The following ITGA9 variants were observed in gnomAD, a reference collection of about 807,000 sequenced individuals.
The protein encoded by ITGA9 is integrin subunit alpha 9.
A neutral mutation model predicts 127.8 loss-of-function variants in ITGA9; 56 were observed. That is an observed-to-expected ratio of 0.44 (90% CI 0.35 to 0.55). The LOEUF (loss-of-function observed/expected upper bound fraction) is 0.55, where lower values mean the gene tolerates loss of function less well. ITGA9 is among the 20% of genes least tolerant of loss of function. The pLI, the probability that ITGA9 is intolerant of heterozygous loss-of-function variation, is 0.00. For synonymous variants in ITGA9, 508 were observed against 514.5 expected (o/e 0.99, Z 0.17); for missense variants, 1,196 against 1,347.1 (o/e 0.89, Z 1.76).
chr3:37,638,038 A>G lies in ITGA9; in HGVS notation c.1839+8702A>G, dbSNP rs148601732. 3.3e-5 allele frequency among the ~76,000 whole-genome samples: 5 copies of G among 152,284 alleles called. No homozygotes were observed. In the East Asian group the frequency reaches 9.6e-4, roughly 29 times the overall value. Reference sequence around the variant, plus strand: ...GCAGCTAAAGTATGAGAACTGATACAGTAGAGGAGTTAAACTAATAATTTG... The same window carrying G: ...GCAGCTAAAGTATGAGAACTGATACGGTAGAGGAGTTAAACTAATAATTTG... On this transcript the variant is annotated intron_variant, in intron 16 of 27. Coordinates refer to ENST00000264741, the MANE Select transcript of ITGA9 (RefSeq NM_002207.3).
intron 17 of ITGA9, among the ~76,000 whole-genome samples, chr3:37,660,487 T>G (rs1700522911): frequency 6.6e-6 from 1 of 152,162 alleles, no homozygotes; most frequent in Admixed American, 6.5e-5. Context: ...TTTTCTTATA[T>G]TAAGATGTAA....
intron 14 of ITGA9, among the ~76,000 whole-genome samples, chr3:37,539,322 A>C (rs750974350): frequency 2.0e-5 from 3 of 152,250 alleles, no homozygotes; most frequent in Non-Finnish European, 2.9e-5. Flanking sequence ...AGGTACCAGT[A>C]AGGAAATGGG....
chr3:37,680,274 AT>A (rs1700722455), intron 17 of ITGA9, among the ~76,000 whole-genome samples: 1 of 152,110 alleles, frequency 6.6e-6, no homozygotes, highest in Admixed American at 6.5e-5. Flanking sequence ...TTTTCATTTC[AT>A]TTCTAAAAAT....
At chr3:37,804,497 C>T (rs1697270638) in intron 27 of ITGA9, among the ~76,000 whole-genome samples, 3 of 152,160 alleles carry the variant, frequency 2.0e-5, no homozygotes, top group Non-Finnish European at 4.4e-5. Flanking sequence ...AAGGGGTGTC[C>T]TCATCCCCAT....
intron 14 of ITGA9, among the ~76,000 whole-genome samples, chr3:37,535,914 G>T (rs548607745): frequency 7.9e-5 from 12 of 152,326 alleles, no homozygotes; most frequent in Non-Finnish European, 1.5e-4. Flanking sequence ...GCCAGAAAAT[G>T]TGCTGGCAGT....
chr3:37,737,094 T>C, intron 20 of ITGA9, 111 bp downstream of exon 20: 1 of 794,020 alleles, frequency 1.3e-6, no homozygotes, highest in Admixed American at 1.9e-5. Flanking sequence ...GAGGAAGAAA[T>C]GGTTACTCAG....
At chr3:37,472,766 CTGTT>C (rs1698446886) in intron 2 of ITGA9, among the ~76,000 whole-genome samples, 1 of 152,268 alleles carries the variant, frequency 6.6e-6, no homozygotes, top group Admixed American at 6.5e-5. Context: ...GGTTTGTGAA[CTGTT>C]TGTTACTGGT....
chr3:37,575,855 G>A (rs927643659), intron 15 of ITGA9, among the ~76,000 whole-genome samples: 3 of 152,162 alleles, frequency 2.0e-5, no homozygotes, highest in East Asian at 3.9e-4. Flanking sequence ...GAAACCAGCC[G>A]TTACAACTCC....
intron 15 of ITGA9, among the ~76,000 whole-genome samples, chr3:37,563,505 A>T (rs1409480929): frequency 6.6e-6 from 1 of 152,230 alleles, no homozygotes; most frequent in Non-Finnish European, 1.5e-5. Context: ...CCGTGGGTGG[A>T]TAATCCCACC....
At chr3:37,608,937 T>C (rs1461702210) in intron 15 of ITGA9, among the ~76,000 whole-genome samples, 3 of 152,106 alleles carry the variant, frequency 2.0e-5, no homozygotes, top group African/African-American at 7.2e-5. Flanking sequence ...TGGAAGCTGG[T>C]GTTTTGTGTT....
intron 11 of ITGA9, among the ~76,000 whole-genome samples, chr3:37,522,429 A>G (rs1278688373): frequency 6.6e-6 from 1 of 152,196 alleles, no homozygotes; most frequent in African/African-American, 2.4e-5. Flanking sequence ...GATGAACTTA[A>G]TGATGAATAA....
chr3:37,489,575 C>T (rs564658138), intron 4 of ITGA9, among the ~76,000 whole-genome samples: 31 of 152,284 alleles, frequency 2.0e-4, no homozygotes, highest in African/African-American at 3.6e-4. Context: ...AAAATGTTCT[C>T]GCTTCCTCTT....
chr3:37,704,432 C>A (rs937202614), intron 18 of ITGA9, among the ~76,000 whole-genome samples: 1 of 152,156 alleles, frequency 6.6e-6, no homozygotes, highest in Non-Finnish European at 1.5e-5. Flanking sequence ...AAAGGAAGAG[C>A]ACCTATGAGA....
At chr3:37,621,625 A>T in intron 15 of ITGA9, among the ~76,000 whole-genome samples, 1 of 152,166 alleles carries the variant, frequency 6.6e-6, no homozygotes, top group South Asian at 2.1e-4. Context: ...ATCCAGCTAC[A>T]TATTGTTTTA....
rs574322666 is a variant in ITGA9, at chr3:37,783,022, T to C, written c.2788-1955T>C. On this transcript the variant is annotated intron_variant, in intron 25 of 27. Transcript: ENST00000264741. ...GGCATGGTGGTGGGCACCTGTAGTC[T>C]CAGCTACTCGGGAGGCTGAGGCAGA... 6.6e-5 allele frequency among the ~76,000 whole-genome samples: 10 copies of C among 152,022 alleles called. No homozygotes were observed. The East Asian group carries it at 1.6e-3, about 24-fold the overall frequency.
intron 25 of ITGA9, among the ~76,000 whole-genome samples, chr3:37,782,894 C>T: frequency 6.6e-6 from 1 of 152,212 alleles, no homozygotes; most frequent in Non-Finnish European, 1.5e-5. Context: ...AATCCCAGCA[C>T]TTTGGGAGGC....
At chr3:37,616,080 C>T (rs1308207917) in intron 15 of ITGA9, among the ~76,000 whole-genome samples, 2 of 152,156 alleles carry the variant, frequency 1.3e-5, no homozygotes, top group African/African-American at 4.8e-5. Context: ...TAGATCTTTC[C>T]TGCTTTCTCT....
intron 23 of ITGA9, among the ~76,000 whole-genome samples, chr3:37,770,125 T>C (rs1696825531): frequency 6.6e-6 from 1 of 152,212 alleles, no homozygotes; most frequent in Non-Finnish European, 1.5e-5. Flanking sequence ...GCTGCTGTTC[T>C]AGCTGGTTGA....
chr3:37,597,187 G>T lies in ITGA9; in HGVS notation c.1690-32000G>T, dbSNP rs2055645357. Among the ~76,000 whole-genome samples the T allele has an allele frequency of 6.6e-6, 1 of 152,162 alleles. No homozygotes were observed. The highest frequency in any genetic ancestry group is 2.4e-5 in the African/African-American group (1 of 41,438). On this transcript the variant is annotated intron_variant, in intron 15 of 27. Coordinates refer to ENST00000264741, the MANE Select transcript of ITGA9 (RefSeq NM_002207.3). The surrounding 1 kb of genome is among the most constrained non-coding windows in gnomAD (Gnocchi z 4.6). ...GACTGGTCATTTTGATACTGAATGGGATTATTCTGGAGATTAAAGCAATGG... is the reference window on the plus strand; with the variant it reads ...GACTGGTCATTTTGATACTGAATGGTATTATTCTGGAGATTAAAGCAATGG...
Sources: allele counts gnomAD v4.1 joint callset (sites outside exome capture counted in the v4.1 genomes callset), GRCh38; gene constraint gnomAD v4.1.1; non-coding constraint Gnocchi (gnomAD v3.1); transcripts MANE v1.5; gene names NCBI Gene and HGNC (gene_info 2026-07-23, HGNC 2026-07-21).